The following SH3KBP1 variants were observed in gnomAD, a reference collection of about 807,000 sequenced individuals.
SH3KBP1 encodes the protein SH3 domain containing kinase binding protein 1, also known as SH3 domain-containing kinase-binding protein 1.
A neutral mutation model predicts 50.1 loss-of-function variants in SH3KBP1; 8 were observed. The ratio of observed to expected loss-of-function variants is 0.16; its 90% CI spans 0.09 to 0.29. The LOEUF (loss-of-function observed/expected upper bound fraction) is 0.29. Ranked by LOEUF, SH3KBP1 falls within the 10% of genes least tolerant of loss-of-function variation. The probability of loss-of-function intolerance (pLI) is 1.00; values close to 1 mark genes in which losing one functional copy is unlikely to be tolerated. For synonymous variants in SH3KBP1, 227 were observed against 218.6 expected, an observed-to-expected ratio of 1.04 and a Z score of -0.34; for missense variants, 377 against 535.2, an observed-to-expected ratio of 0.70 and a Z score of 2.92.
At chrX:19,813,152 A>AC (rs2067255243) in intron 2 of SH3KBP1, among the ~76,000 whole-genome samples, 3 of 96,202 alleles carry the variant, frequency 3.1e-5, no homozygotes, top group African/African-American at 1.4e-4. Context: ...CCAAAAACAA[A>AC]CAAAAAAAAA....
At chrX:19,540,918 TA>T (rs1256975769) in intron 16 of SH3KBP1, among the ~76,000 whole-genome samples, 1 of 110,229 alleles carries the variant, frequency 9.1e-6, no homozygotes, top group African/African-American at 3.3e-5. Context: ...AGTGCCTCCC[TA>T]CTTTTTTTTT....
At chrX:19,768,368 G>A (rs1169816373) in intron 2 of SH3KBP1, among the ~76,000 whole-genome samples, 3 of 104,679 alleles carry the variant, frequency 2.9e-5, no homozygotes, top group South Asian at 4.5e-4. Flanking sequence ...CAAGTTAATC[G>A]GATCATTCTA....
chrX:19,745,525 T>C (rs1278962657), intron 3 of SH3KBP1, among the ~76,000 whole-genome samples: 1 of 111,981 alleles, frequency 8.9e-6, no homozygotes, highest in Non-Finnish European at 1.9e-5. Context: ...TGTGCCTGCT[T>C]TCAAACAGCT....
At chrX:19,775,592 C>G (rs2065947265) in intron 2 of SH3KBP1, among the ~76,000 whole-genome samples, 1 of 111,766 alleles carries the variant, frequency 8.9e-6, no homozygotes, top group Non-Finnish European at 1.9e-5. Context: ...TTGTATTAGT[C>G]CAGGATTGAC....
At chrX:19,606,337 G>T (rs1157102769) in intron 9 of SH3KBP1, among the ~76,000 whole-genome samples, 2 of 112,146 alleles carry the variant, frequency 1.8e-5, no homozygotes, top group Non-Finnish European at 3.8e-5. Flanking sequence ...ACAGCCTAGG[G>T]TCACAACCAC....
rs1261114444 is a variant in SH3KBP1 at position 19,743,352 on chromosome X, T to C, written c.286+2966A>G. Among the ~76,000 whole-genome samples, 3 of 109,421 alleles carry C rather than the reference T, an allele frequency of 2.7e-5. No homozygotes were observed. The East Asian group carries it at 8.6e-4, about 31-fold the overall frequency. On this transcript the variant is annotated intron_variant, in intron 3 of 17. Coordinates refer to ENST00000397821, the MANE Select transcript of SH3KBP1 (RefSeq NM_031892.3). Reference sequence around the variant, plus strand: ...GAGCCTGGGGAGGTCGAGGCTGCAGTGAGCCATGATCGCGCCACTGCACTC... The same window carrying C: ...GAGCCTGGGGAGGTCGAGGCTGCAGCGAGCCATGATCGCGCCACTGCACTC...
chrX:19,792,125 G>A (rs894505444), intron 2 of SH3KBP1, among the ~76,000 whole-genome samples: 2 of 111,287 alleles, frequency 1.8e-5, no homozygotes, highest in Non-Finnish European at 3.8e-5. Context: ...CAAACCAAAC[G>A]TACACAACAG....
At position 19,535,762 on chromosome X, in the gene SH3KBP1, T is replaced by C. The variant is rs1458783865; in HGVS notation, c.*655A>G. 1 of 111,001 alleles carries C rather than the reference T, an allele frequency of 9.0e-6. No individual in the cohort carries two copies. The highest frequency in any genetic ancestry group is 1.9e-5 in the Non-Finnish European group (1 of 52,950). 9.1% of individuals were successfully genotyped at this position (111,001 alleles called of 1,213,427 possible). A position where few individuals can be genotyped will look rare whatever the true frequency, so the allele number is the denominator to read the frequency against. ...ATCACAAAAGCTCCAATCAAGAGGG[T>C]GGTAAAAAGAAGGCACAGATCATTG... On this transcript the variant is annotated 3_prime_UTR_variant, in exon 18 of 18. Coordinates refer to ENST00000397821, the MANE Select transcript of SH3KBP1 (RefSeq NM_031892.3).
chrX:19,602,882 G>A (rs759053923), intron 9 of SH3KBP1, among the ~76,000 whole-genome samples: 2 of 111,962 alleles, frequency 1.8e-5, no homozygotes, highest in Non-Finnish European at 3.8e-5. Flanking sequence ...GGAAGGTAGA[G>A]TTAAACCAGC....
chrX:19,701,375 G>GT (rs1408957738), intron 4 of SH3KBP1, among the ~76,000 whole-genome samples: 1 of 111,640 alleles, frequency 9.0e-6, no homozygotes, highest in African/African-American at 3.3e-5. Flanking sequence ...TCCTTTGAAA[G>GT]TTCAGTGTGG....
intron 13 of SH3KBP1, among the ~76,000 whole-genome samples, chrX:19,561,072 T>TCAAAA (rs1290285582): frequency 2.1e-5 from 1 of 48,113 alleles, no homozygotes; most frequent in Non-Finnish European, 4.1e-5. Context: ...AGACCCTGTC[T>TCAAAA]AAAAAAAAAA....
intron 13 of SH3KBP1, among the ~76,000 whole-genome samples, chrX:19,563,566 C>G (rs1168137077): frequency 8.9e-6 from 1 of 112,540 alleles, no homozygotes. Context: ...GTTTGACCCT[C>G]AGCACAATCT....
At chrX:19,661,965 G>A (rs185311352) in intron 6 of SH3KBP1, among the ~76,000 whole-genome samples, 2 of 111,493 alleles carry the variant, frequency 1.8e-5, no homozygotes, top group East Asian at 2.8e-4. Flanking sequence ...ATACACTGAG[G>A]TAGCGAAAAA....
intron 12 of SH3KBP1, among the ~76,000 whole-genome samples, chrX:19,581,858 A>G (rs886252013): frequency 4.6e-5 from 5 of 107,954 alleles, no homozygotes; most frequent in Non-Finnish European, 9.6e-5. Context: ...AGGTTTAAAA[A>G]AAAAAAAAAA....
At chrX:19,757,006 C>G (rs902136088) in intron 2 of SH3KBP1, among the ~76,000 whole-genome samples, 1 of 110,603 alleles carries the variant, frequency 9.0e-6, no homozygotes, top group African/African-American at 3.3e-5. Context: ...ACCAGGTGGC[C>G]GAGGGACAGA....
intron 5 of SH3KBP1, among the ~76,000 whole-genome samples, chrX:19,691,177 C>G (rs1247791715): frequency 9.2e-6 from 1 of 108,907 alleles, no homozygotes; most frequent in Non-Finnish European, 1.9e-5. Flanking sequence ...TAATGAGTAA[C>G]TAGGTTTGGG....
At chrX:19,795,079 T>C (rs2066668760) in intron 2 of SH3KBP1, among the ~76,000 whole-genome samples, 1 of 112,411 alleles carries the variant, frequency 8.9e-6, no homozygotes, top group Non-Finnish European at 1.9e-5. Flanking sequence ...TAGCACTCAA[T>C]GCTTCAAGGC....
chrX:19,770,070 A>C (rs966875699), intron 2 of SH3KBP1, among the ~76,000 whole-genome samples: 1 of 112,084 alleles, frequency 8.9e-6, no homozygotes, highest in Non-Finnish European at 1.9e-5. Flanking sequence ...TACGAAAATA[A>C]TGTCACTAAG....
rs1000703597 is a variant in SH3KBP1 at position 19,824,502 on chromosome X, T to A, written c.162+11623A>T. The stretch of plus-strand genomic sequence containing the variant: ...CCAAAACAAAATTCTGATGACGTAG[T>A]GCACCTGGAGCAGGACCAGGTTAGA... On this transcript the variant is annotated intron_variant, in intron 2 of 17. Coordinates refer to ENST00000397821, the MANE Select transcript of SH3KBP1 (RefSeq NM_031892.3). 9.0e-5 allele frequency among the ~76,000 whole-genome samples: 10 copies of A among 111,353 alleles called. No individual in the cohort carries two copies. In the Admixed American group the frequency reaches 9.6e-4, roughly 11 times the overall value.
Sources: gnomAD v4.1 joint callset for allele counts (sites outside exome capture counted in the v4.1 genomes callset) on GRCh38, gnomAD v4.1.1 for gene constraint, MANE v1.5 for transcripts, NCBI Gene and HGNC (gene_info 2026-07-23, HGNC 2026-07-21) for gene names.